TRERF1: variants seen among roughly 807,000 people sequenced by gnomAD.
The protein encoded by TRERF1 is transcriptional regulating factor 1.
Under a neutral mutation model 122.9 loss-of-function variants are expected in TRERF1, and 27 were observed. The observed-to-expected ratio is 0.22, with a 90% CI of 0.16 to 0.30. The LOEUF is 0.30. Among genes scored for constraint, TRERF1 ranks in the 10% least tolerant of loss-of-function variants. The pLI is 1.00. For missense variants in TRERF1, 1,248 were observed against 1,560.3 expected, an observed-to-expected ratio of 0.80 and a Z score of 3.37; for synonymous variants, 636 against 641.7, an observed-to-expected ratio of 0.99 and a Z score of 0.13.
At chr6:42,288,678 A>G (rs1170578345) in intron 4 of TRERF1, among the ~76,000 whole-genome samples, 2 of 152,072 alleles carry the variant, frequency 1.3e-5, no homozygotes, top group Non-Finnish European at 2.9e-5. Flanking sequence ...TGTGATCTAA[A>G]GATGAGAAGG....
intron 3 of TRERF1, among the ~76,000 whole-genome samples, chr6:42,328,550 A>G (rs144176651): frequency 1.4e-4 from 21 of 152,162 alleles, no homozygotes; most frequent in African/African-American, 5.1e-4. Context: ...CTTTGTGTCC[A>G]TGAGTTCTCA....
rs977454429 is a variant in TRERF1 at position 42,275,030 on chromosome 6, A to C, written c.-258-5182T>G. ...GGTTCTTATATATCCTCCTAGAGAC[A>C]CTTTATGCTCATACAAGAACACTAA... On this transcript the variant is annotated intron_variant, in intron 4 of 17. Transcript: ENST00000372922. The surrounding 1 kb of genome is among the most constrained non-coding windows in gnomAD (Gnocchi z 4.1). 2.6e-5 allele frequency among the ~76,000 whole-genome samples: 4 copies of C among 152,216 alleles called. No individual in the cohort carries two copies. The highest frequency in any genetic ancestry group is 9.6e-5 in the African/African-American group (4 of 41,458).
chr6:42,389,088 T>A (rs537389947), intron 2 of TRERF1, among the ~76,000 whole-genome samples: 1 of 151,972 alleles, frequency 6.6e-6, no homozygotes, highest in Non-Finnish European at 1.5e-5. Context: ...TAAGATAGAA[T>A]TGGAGAGAGG....
At chr6:42,272,510 T>C (rs1217045942) in intron 4 of TRERF1, among the ~76,000 whole-genome samples, 1 of 152,194 alleles carries the variant, frequency 6.6e-6, no homozygotes, top group Admixed American at 6.5e-5. Context: ...AATCTCAGGC[T>C]CCAGTTGAGA....
At chr6:42,375,086 G>A (rs1468019956) in intron 2 of TRERF1, among the ~76,000 whole-genome samples, 2 of 151,402 alleles carry the variant, frequency 1.3e-5, no homozygotes, top group Non-Finnish European at 2.9e-5. Flanking sequence ...ACCCCTGGAA[G>A]CTGGAAGAAA....
intron 2 of TRERF1, among the ~76,000 whole-genome samples, chr6:42,443,048 T>C (rs1342557916): frequency 2.0e-5 from 3 of 152,268 alleles, no homozygotes; most frequent in African/African-American, 7.2e-5. Context: ...ATGCGAGTTA[T>C]TTCAGTGATG....
At chr6:42,331,754 A>C (rs1281168002) in intron 3 of TRERF1, among the ~76,000 whole-genome samples, 2 of 152,094 alleles carry the variant, frequency 1.3e-5, no homozygotes, top group Non-Finnish European at 2.9e-5. Flanking sequence ...ATTCCATGCC[A>C]CTGAGTTCCA....
At chr6:42,371,084 C>T (rs900148597) in intron 2 of TRERF1, among the ~76,000 whole-genome samples, 1 of 152,140 alleles carries the variant, frequency 6.6e-6, no homozygotes, top group Non-Finnish European at 1.5e-5. Flanking sequence ...ACAGTCCCCA[C>T]GGCTCCCTAA....
rs540186935 is a variant in TRERF1 at position 42,385,273 on chromosome 6, G to A, written c.-453-22194C>T. ...ATTACAGGTGTGAGCCACTGCACCCGACCTGATCCTGGTTTTCTGATTCAA... is the reference window on the plus strand; with the variant it reads ...ATTACAGGTGTGAGCCACTGCACCCAACCTGATCCTGGTTTTCTGATTCAA... On this transcript the variant is annotated intron_variant, in intron 2 of 17. Transcript: ENST00000372922. Among the ~76,000 whole-genome samples the A allele has an allele frequency of 3.2e-4, 48 of 152,154 alleles. No individual in the cohort carries two copies. The South Asian group carries it at 8.8e-3, about 28-fold the overall frequency.
At chr6:42,244,365 G>T (rs1774369625) in intron 14 of TRERF1, among the ~76,000 whole-genome samples, 1 of 151,964 alleles carries the variant, frequency 6.6e-6, no homozygotes, top group African/African-American at 2.4e-5. Context: ...TGTATTTTTA[G>T]TAGAGACGTG....
At chr6:42,257,153 C>T in intron 10 of TRERF1, 51 bp from the exon 11 acceptor site, 1 of 1,606,650 alleles carries the variant, frequency 6.2e-7, no homozygotes, top group Non-Finnish European at 8.5e-7. Flanking sequence ...TTTGATGGCT[C>T]AGGCCAAGGG....
chr6:42,433,978 G>A (rs1174477111), intron 2 of TRERF1, among the ~76,000 whole-genome samples: 1 of 152,208 alleles, frequency 6.6e-6, no homozygotes, highest in Admixed American at 6.5e-5. Context: ...AGCCAAGTTT[G>A]TGCCACTGTA....
rs894882120 is a variant in TRERF1 at position 42,341,995 on chromosome 6, T to C, written c.-371+21002A>G. Among the ~76,000 whole-genome samples, 6 of 152,106 alleles carry C rather than the reference T, an allele frequency of 3.9e-5. 1 individual carries two copies. In the East Asian group the frequency reaches 1.2e-3, roughly 29 times the overall value. ...ATGTGCAATCTCCTGTACATATAAT[T>C]AGTGAAATCATTTTACTTAATTAAA... On this transcript the variant is annotated intron_variant, in intron 3 of 17. Coordinates refer to ENST00000372922, the Ensembl canonical transcript of TRERF1.
Position 42,259,484 on chromosome 6 carries a change from G to A in TRERF1, c.2124C>T (p.Tyr708=). Residue 708 remains tyrosine, a synonymous_variant, in exon 9 of 18, where the codon TAC becomes TAT. Coordinates refer to ENST00000372922, the Ensembl canonical transcript of TRERF1. This position sits in a 1 kb window ranked among gnomAD's most constrained non-coding sequence, Gnocchi z 4.9. ...CCGGGCTCAGCATGGGTGGGGGCGTGTAAGGGGGCAGCTCGTGGGTGGGGT... is the reference window on the plus strand; with the variant it reads ...CCGGGCTCAGCATGGGTGGGGGCGTATAAGGGGGCAGCTCGTGGGTGGGGT... 6.2e-7 allele frequency: 1 copy of A among 1,610,344 alleles called. No homozygotes were observed. The highest frequency in any genetic ancestry group is 8.5e-7 in the Non-Finnish European group (1 of 1,179,524).
intron 3 of TRERF1, among the ~76,000 whole-genome samples, chr6:42,313,472 G>A (rs1323303719): frequency 1.3e-5 from 2 of 152,066 alleles, no homozygotes; most frequent in Non-Finnish European, 2.9e-5. Context: ...ACATAAGCTG[G>A]AAAAGGGGTC....
chr6:42,334,265 G>A (rs1219707628), intron 3 of TRERF1, among the ~76,000 whole-genome samples: 2 of 152,110 alleles, frequency 1.3e-5, no homozygotes, highest in Non-Finnish European at 2.9e-5. Flanking sequence ...AGGAACCCCA[G>A]GAGATCTGCC....
chr6:42,336,039 C>G (rs1405514156), intron 3 of TRERF1, among the ~76,000 whole-genome samples: 1 of 152,186 alleles, frequency 6.6e-6, no homozygotes, highest in Non-Finnish European at 1.5e-5. Flanking sequence ...AACTGAATTT[C>G]AAGTTGTATT....
chr6:42,298,012 C>T (rs1427184149), intron 4 of TRERF1, among the ~76,000 whole-genome samples: 1 of 151,718 alleles, frequency 6.6e-6, no homozygotes, highest in African/African-American at 2.4e-5. Flanking sequence ...AATGAGAGAC[C>T]AGAAAAATCA....
intron 15 of TRERF1, among the ~76,000 whole-genome samples, chr6:42,241,357 T>C (rs973043620): frequency 1.3e-5 from 2 of 152,380 alleles, no homozygotes; most frequent in Admixed American, 1.3e-4. Context: ...TACAGATTTC[T>C]ACTTTCTCTG....
Sources: allele counts gnomAD v4.1 joint callset (sites outside exome capture counted in the v4.1 genomes callset), GRCh38; gene constraint gnomAD v4.1.1; non-coding constraint Gnocchi (gnomAD v3.1); transcripts MANE v1.5; gene names NCBI Gene and HGNC (gene_info 2026-07-23, HGNC 2026-07-21).